Variants in DYM observed in about 807,000 individuals in gnomAD.
DYM encodes the protein dyggve-Melchior-Clausen syndrome protein.
DYM carries 78 observed loss-of-function variants against 93.1 expected under a neutral mutation model. The ratio of observed to expected loss-of-function variants is 0.84; its 90% CI spans 0.70 to 1.01. The LOEUF (loss-of-function observed/expected upper bound fraction) is 1.01, where lower values mean the gene tolerates loss of function less well. Ranked by LOEUF, DYM falls within the 50% of genes least tolerant of loss-of-function variation. DYM has a pLI of 0.00. For synonymous variants in DYM, 321 were observed against 319.7 expected, an observed-to-expected ratio of 1.00 and a Z score of -0.04; for missense variants, 789 against 845.0, an observed-to-expected ratio of 0.93 and a Z score of 0.82.
At chr18:49,384,040 C>A (rs973735528) in intron 3 of DYM, among the ~76,000 whole-genome samples, 6 of 152,016 alleles carry the variant, frequency 3.9e-5, no homozygotes, top group Admixed American at 2.6e-4. Flanking sequence ...GAAAAGAGAG[C>A]AAGCCAGGCA....
chr18:49,376,384 T>C (rs767596842), intron 5 of DYM, among the ~76,000 whole-genome samples: 13 of 152,198 alleles, frequency 8.5e-5, no homozygotes, highest in Non-Finnish European at 1.5e-4. Context: ...CCAGTATCAG[T>C]AGAGGAAAAC....
intron 8 of DYM, among the ~76,000 whole-genome samples, chr18:49,299,160 A>G (rs971994617): frequency 6.6e-6 from 1 of 152,194 alleles, no homozygotes; most frequent in Non-Finnish European, 1.5e-5. Flanking sequence ...TAAGCAGAGG[A>G]AAACTTTTTA....
At chr18:49,055,795 G>A (rs1057503694) in intron 17 of DYM, among the ~76,000 whole-genome samples, 7 of 152,218 alleles carry the variant, frequency 4.6e-5, no homozygotes, top group Non-Finnish European at 1.0e-4. Context: ...AGGTCTCCCC[G>A]CCTTCGTGAG....
intron 17 of DYM, among the ~76,000 whole-genome samples, chr18:49,050,723 T>C (rs528452742): frequency 6.6e-6 from 1 of 152,052 alleles, no homozygotes; most frequent in East Asian, 1.9e-4. Flanking sequence ...GACCACCCTA[T>C]AAAAAACAAA....
chr18:49,292,253 A>G (rs2060158655), intron 8 of DYM, among the ~76,000 whole-genome samples: 1 of 151,752 alleles, frequency 6.6e-6, no homozygotes, highest in African/African-American at 2.4e-5. Context: ...ATAAACTAAC[A>G]TTTTATTGGG....
At position 49,088,422 on chromosome 18, in the gene DYM, G is replaced by T. The variant is rs544422180; in HGVS notation, c.2025+8980C>A. On this transcript the variant is annotated intron_variant, in intron 17 of 17. Transcript: ENST00000675505. ...ACCAGGGCCTGTTGTGGGGTAGGGG[G>T]AGGGGGAAGGGATAGCATTAGGAGA... 2.6e-5 allele frequency among the ~76,000 whole-genome samples: 4 copies of T among 152,144 alleles called. No individual in the cohort carries two copies. In the East Asian group the frequency reaches 7.7e-4, roughly 29 times the overall value.
At chr18:49,073,555 A>C (rs1260917083) in intron 17 of DYM, among the ~76,000 whole-genome samples, 5 of 152,208 alleles carry the variant, frequency 3.3e-5, no homozygotes, top group Non-Finnish European at 7.3e-5. Context: ...AAACCCAAAA[A>C]AACAAAATCT....
chr18:49,211,853 T>C (rs1292145321), intron 13 of DYM, among the ~76,000 whole-genome samples: 4 of 152,250 alleles, frequency 2.6e-5, no homozygotes, highest in Non-Finnish European at 5.9e-5. Flanking sequence ...AGTAGGCTTA[T>C]ATTTAAAGAG....
intron 2 of DYM, among the ~76,000 whole-genome samples, chr18:49,428,299 A>G (rs2074485885): frequency 6.6e-6 from 1 of 151,484 alleles, no homozygotes; most frequent in African/African-American, 2.4e-5. Context: ...AAGGTAGAAG[A>G]AAAAAAAAGA....
At chr18:49,381,495 A>G (rs1231514615) in intron 3 of DYM, among the ~76,000 whole-genome samples, 1 of 152,242 alleles carries the variant, frequency 6.6e-6, no homozygotes, top group African/African-American at 2.4e-5. Context: ...TGGACCGGCC[A>G]CAACAGCATT....
At chr18:49,188,085 GA>G (rs1187051496) in intron 14 of DYM, among the ~76,000 whole-genome samples, 1 of 152,192 alleles carries the variant, frequency 6.6e-6, no homozygotes, top group Non-Finnish European at 1.5e-5. Context: ...CCAACAAACT[GA>G]AATCCAAGAA....
intron 17 of DYM, among the ~76,000 whole-genome samples, chr18:49,072,747 C>T (rs892242047): frequency 1.3e-5 from 2 of 152,228 alleles, no homozygotes; most frequent in African/African-American, 4.8e-5. Context: ...CTTTGCTTAT[C>T]ATTGCTGAGA....
At chr18:49,278,748 G>A (rs1181964822) in intron 10 of DYM, among the ~76,000 whole-genome samples, 1 of 152,132 alleles carries the variant, frequency 6.6e-6, no homozygotes, top group East Asian at 1.9e-4. Context: ...AGCTATAAAA[G>A]GCAGAGGCAA....
chr18:49,412,384 T>A (rs1568399660), intron 2 of DYM, among the ~76,000 whole-genome samples: 2 of 152,188 alleles, frequency 1.3e-5, no homozygotes. Flanking sequence ...AGGGACTGAT[T>A]AATCCTGGGA....
chr18:49,135,007 C>G (rs1214442029), intron 15 of DYM, among the ~76,000 whole-genome samples: 2 of 152,062 alleles, frequency 1.3e-5, no homozygotes, highest in African/African-American at 4.8e-5. Context: ...ACTCGGGAGG[C>G]TGAGGCAGGA....
intron 13 of DYM, among the ~76,000 whole-genome samples, chr18:49,217,395 T>A (rs961397670): frequency 6.6e-6 from 1 of 151,858 alleles, no homozygotes; most frequent in African/African-American, 2.4e-5. Flanking sequence ...ATTCAGGAAA[T>A]ACAGAGAACG....
chr18:49,350,336 A>G (rs762013698), intron 6 of DYM, among the ~76,000 whole-genome samples: 1 of 152,240 alleles, frequency 6.6e-6, no homozygotes, highest in African/African-American at 2.4e-5. Flanking sequence ...ATCTATAGCT[A>G]CTGATTGGGA....
At chr18:49,320,252 C>T (rs904686669) in intron 8 of DYM, among the ~76,000 whole-genome samples, 1 of 152,034 alleles carries the variant, frequency 6.6e-6, no homozygotes, top group African/African-American at 2.4e-5. Flanking sequence ...TTCTATTTTC[C>T]TCCAACACTT....
At chr18:49,192,703 T>C (rs1600499878) in intron 14 of DYM, among the ~76,000 whole-genome samples, 1 of 152,174 alleles carries the variant, frequency 6.6e-6, no homozygotes, top group African/African-American at 2.4e-5. Flanking sequence ...TGAAATCTAG[T>C]AGTGTAATGC....
Sources: gnomAD v4.1 joint callset for allele counts (sites outside exome capture counted in the v4.1 genomes callset) on GRCh38, gnomAD v4.1.1 for gene constraint, MANE v1.5 for transcripts, NCBI Gene and HGNC (gene_info 2026-07-23, HGNC 2026-07-21) for gene names.